The following MSRA variants were observed in gnomAD, a reference collection of about 807,000 sequenced individuals.
MSRA encodes the protein methionine sulfoxide reductase A.
MSRA carries 54 observed loss-of-function variants against 31.3 expected under a neutral mutation model. The observed-to-expected ratio is 1.73, with a 90% CI of 1.39 to 2.17. MSRA has a LOEUF of 2.17. Among genes scored for constraint, MSRA ranks in the 30% most tolerant of loss-of-function variants. MSRA has a pLI of 0.00. For synonymous variants in MSRA, 169 were observed against 116.5 expected (o/e 1.45, Z -2.90); for missense variants, 507 against 300.9 (o/e 1.69, Z -5.07).
rs1195052240 is a variant in MSRA at position 10,207,714 on chromosome 8, A to G, written c.143-119A>G. Reference sequence around the variant, plus strand: ...ATAATTGAAGCTCTCTTCAGAGGGTAAGCTTGGGTGCATTTTTAACTCAAA... The same window carrying G: ...ATAATTGAAGCTCTCTTCAGAGGGTGAGCTTGGGTGCATTTTTAACTCAAA... On this transcript the variant is annotated intron_variant, in intron 1 of 5. Coordinates refer to ENST00000317173, the MANE Select transcript of MSRA (RefSeq NM_012331.5). 5 of 839,134 alleles carry G rather than the reference A, an allele frequency of 6.0e-6. No homozygotes were observed. The South Asian group carries it at 9.5e-5, about 16-fold the overall frequency. 52.0% of individuals were successfully genotyped at this position (839,134 alleles called of 1,614,324 possible).
At chr8:10,132,286 C>T (rs907524593) in intron 1 of MSRA, among the ~76,000 whole-genome samples, 2 of 152,192 alleles carry the variant, frequency 1.3e-5, no homozygotes, top group Admixed American at 1.3e-4. Flanking sequence ...TAGATTCTTG[C>T]TCCACTGCAG....
intron 5 of MSRA, among the ~76,000 whole-genome samples, chr8:10,361,530 G>A (rs1475647142): frequency 1.3e-5 from 2 of 152,148 alleles, no homozygotes; most frequent in Non-Finnish European, 2.9e-5. Context: ...TTTTAGGGGT[G>A]CAAGCCAGTC....
chr8:10,117,538 G>A (rs974259536), intron 1 of MSRA, among the ~76,000 whole-genome samples: 6 of 152,116 alleles, frequency 3.9e-5, no homozygotes, highest in Non-Finnish European at 7.3e-5. Flanking sequence ...GTTTCTATGT[G>A]GGGTATTAGA....
chr8:10,091,178 T>A (rs1380326936), intron 1 of MSRA, among the ~76,000 whole-genome samples: 1 of 152,242 alleles, frequency 6.6e-6, no homozygotes. Flanking sequence ...GTGTTCAGTC[T>A]GCTAGTATTT....
intron 3 of MSRA, among the ~76,000 whole-genome samples, chr8:10,259,529 C>T (rs1798358106): frequency 6.6e-6 from 1 of 152,154 alleles, no homozygotes; most frequent in Non-Finnish European, 1.5e-5. Flanking sequence ...GCTCCTGTGG[C>T]TGGGGGTGGG....
chr8:10,399,710 C>G (rs1342896637), intron 5 of MSRA, among the ~76,000 whole-genome samples: 2 of 152,156 alleles, frequency 1.3e-5, no homozygotes, highest in African/African-American at 2.4e-5. Flanking sequence ...TTCCCTGTAG[C>G]CCTATATAGG....
At chr8:10,160,615 C>G (rs377147449) in intron 1 of MSRA, among the ~76,000 whole-genome samples, 22 of 152,264 alleles carry the variant, frequency 1.4e-4, no homozygotes, top group African/African-American at 4.8e-4. Context: ...TCACTGCAAC[C>G]TCTGCCACCC....
intron 1 of MSRA, among the ~76,000 whole-genome samples, chr8:10,194,127 G>A (rs545814064): frequency 6.6e-6 from 1 of 152,182 alleles, no homozygotes; most frequent in East Asian, 1.9e-4. Flanking sequence ...CAAAATACTT[G>A]CTGCTGTACG....
At position 10,113,767 on chromosome 8, in the gene MSRA, T is replaced by G. The variant is rs1461437623; in HGVS notation, c.142+59109T>G. On this transcript the variant is annotated intron_variant, in intron 1 of 5. Transcript: ENST00000317173. ...TTAAGCAGCCCAGGTATTTGCATTTTTTTTTTTTTTAAAAAAAAGATTATT... is the reference window on the plus strand; with the variant it reads ...TTAAGCAGCCCAGGTATTTGCATTTGTTTTTTTTTTAAAAAAAAGATTATT... Among the ~76,000 whole-genome samples, 4 of 151,360 alleles carry G rather than the reference T, an allele frequency of 2.6e-5. No homozygotes were observed. In the East Asian group the frequency reaches 5.8e-4, roughly 22 times the overall value.
intron 5 of MSRA, among the ~76,000 whole-genome samples, chr8:10,350,893 C>G (rs2129158118): frequency 6.6e-6 from 1 of 152,342 alleles, no homozygotes; most frequent in African/African-American, 2.4e-5. Context: ...GGGGAAGTGG[C>G]AAGTCCAAGG....
At chr8:10,365,445 A>G (rs905377497) in intron 5 of MSRA, among the ~76,000 whole-genome samples, 4 of 152,230 alleles carry the variant, frequency 2.6e-5, no homozygotes, top group African/African-American at 9.6e-5. Context: ...AAGCCACTCT[A>G]TGCATCAGGT....
intron 1 of MSRA, among the ~76,000 whole-genome samples, chr8:10,123,684 G>A (rs1801290137): frequency 6.6e-6 from 1 of 152,044 alleles, no homozygotes; most frequent in Non-Finnish European, 1.5e-5. Flanking sequence ...TGTGGTGTAA[G>A]GAATCAGTCC....
intron 3 of MSRA, among the ~76,000 whole-genome samples, chr8:10,249,666 G>A (rs1242306239): frequency 6.6e-6 from 1 of 152,144 alleles, no homozygotes; most frequent in Non-Finnish European, 1.5e-5. Context: ...TCTTGGCTGG[G>A]ACACAGGGTA....
intron 3 of MSRA, among the ~76,000 whole-genome samples, chr8:10,294,305 C>G (rs947369239): frequency 2.0e-5 from 3 of 152,196 alleles, no homozygotes; most frequent in African/African-American, 7.2e-5. Flanking sequence ...CAGTAGCAGT[C>G]AAATGATACT....
At position 10,368,653 on chromosome 8, in the gene MSRA, A is replaced by G. The variant is rs140442624; in HGVS notation, c.543+48664A>G. Among the ~76,000 whole-genome samples, 799 of 152,372 alleles carry G rather than the reference A, an allele frequency of 5.2e-3. 6 individuals are homozygous for G. Among genetic ancestry groups the G allele is most frequent in the African/African-American group, 0.018 (740 of 41,588 alleles). Reference sequence around the variant, plus strand: ...TGTTTTCAAGATGCACTGTTCCACAATGAAAGATAAAAGCTCTTTTATTAA... The same window carrying G: ...TGTTTTCAAGATGCACTGTTCCACAGTGAAAGATAAAAGCTCTTTTATTAA... On this transcript the variant is annotated intron_variant, in intron 5 of 5. Coordinates refer to ENST00000317173, the MANE Select transcript of MSRA (RefSeq NM_012331.5).
intron 1 of MSRA, among the ~76,000 whole-genome samples, chr8:10,153,451 G>A (rs528605640): frequency 6.6e-6 from 1 of 152,108 alleles, no homozygotes; most frequent in Admixed American, 6.5e-5. Flanking sequence ...CCTCACATTT[G>A]GTTGTCTTTA....
chr8:10,172,378 G>T (rs1354687414), intron 1 of MSRA, among the ~76,000 whole-genome samples: 3 of 152,102 alleles, frequency 2.0e-5, no homozygotes, highest in Non-Finnish European at 4.4e-5. Context: ...CATGGCTCCT[G>T]GGCTTCATTC....
At chr8:10,378,752 G>T (rs1452598174) in intron 5 of MSRA, among the ~76,000 whole-genome samples, 2 of 152,236 alleles carry the variant, frequency 1.3e-5, no homozygotes, top group African/African-American at 4.8e-5. Flanking sequence ...CAGAACTTCT[G>T]GCTCAGATAC....
chr8:10,221,291 G>C (rs1183427783), intron 2 of MSRA, among the ~76,000 whole-genome samples: 5 of 152,102 alleles, frequency 3.3e-5, no homozygotes, highest in Non-Finnish European at 7.4e-5. Context: ...CTGTATTGAA[G>C]TTTTTGTCCC....
Sources: allele counts gnomAD v4.1 joint callset (sites outside exome capture counted in the v4.1 genomes callset), GRCh38; gene constraint gnomAD v4.1.1; transcripts MANE v1.5; gene names NCBI Gene and HGNC (gene_info 2026-07-23, HGNC 2026-07-21).